Variants in FABP6 observed in about 807,000 individuals in gnomAD.
FABP6 encodes gastrotropin.
In FABP6, 13 loss-of-function variants were observed where a neutral mutation model predicts 14.9. The observed-to-expected ratio is 0.87, with a 90% CI of 0.57 to 1.39. The LOEUF (loss-of-function observed/expected upper bound fraction) is 1.39, where lower values mean the gene tolerates loss of function less well. Ranked by LOEUF, FABP6 falls within the 40% of genes most tolerant of loss-of-function variation. FABP6 has a pLI of 0.00. For missense variants in FABP6, 161 were observed against 167.2 expected (o/e 0.96, Z 0.20); for synonymous variants, 75 against 63.6 (o/e 1.18, Z -0.85).
At chr5:160,188,177 G>A (rs1759325820) in intron 1 of FABP6, among the ~76,000 whole-genome samples, 1 of 152,078 alleles carries the variant, frequency 6.6e-6, no homozygotes, top group Admixed American at 6.5e-5. Flanking sequence ...CAGAGGGGCG[G>A]GAAGCCCTGG....
intron 2 of FABP6, among the ~76,000 whole-genome samples, chr5:160,202,938 G>A (rs1252532267): frequency 2.0e-5 from 3 of 151,000 alleles, no homozygotes; most frequent in African/African-American, 7.3e-5. Context: ...TTTCACTCTT[G>A]TTGCCCAGAC....
At chr5:160,236,817 C>CA (rs375689902) in intron 3 of FABP6, among the ~76,000 whole-genome samples, 20,584 of 133,104 alleles carry the variant, frequency 0.15, 1,998 homozygotes, top group East Asian at 0.31. Context: ...ACTAAAAATA[C>CA]AAAAAAAAAA....
At chr5:160,222,593 CAA>C (rs759579680) in intron 3 of FABP6, among the ~76,000 whole-genome samples, 34 of 152,184 alleles carry the variant, frequency 2.2e-4, no homozygotes, top group Non-Finnish European at 2.2e-4. Context: ...CTCAGCCTCC[CAA>C]AGTGTTGGGA....
At chr5:160,204,415 G>A (rs1223269084) in intron 2 of FABP6, among the ~76,000 whole-genome samples, 1 of 152,152 alleles carries the variant, frequency 6.6e-6, no homozygotes, top group African/African-American at 2.4e-5. Flanking sequence ...CACACAATGA[G>A]TGATGCATGA....
intron 3 of FABP6, among the ~76,000 whole-genome samples, chr5:160,218,612 C>T (rs1185132234): frequency 1.3e-5 from 2 of 152,058 alleles, no homozygotes; most frequent in Non-Finnish European, 2.9e-5. Flanking sequence ...AGGCACCCGC[C>T]ACCATGCCTG....
intron 1 of FABP6, among the ~76,000 whole-genome samples, chr5:160,191,697 C>T (rs929967600): frequency 2.6e-5 from 4 of 151,014 alleles, no homozygotes; most frequent in African/African-American, 7.3e-5. Context: ...CGCGGTGGCT[C>T]ACGCCTGTAA....
chr5:160,223,920 T>A (rs1760188532), intron 3 of FABP6, among the ~76,000 whole-genome samples: 1 of 127,914 alleles, frequency 7.8e-6, no homozygotes, highest in Non-Finnish European at 1.6e-5. Context: ...GGCAACAAAG[T>A]GAGATCCCAT....
chr5:160,234,705 G>C, intron 2 of FABP6, 115 bp from the exon 3 acceptor site: 1 of 646,204 alleles, frequency 1.5e-6, no homozygotes, highest in East Asian at 3.4e-5. Context: ...GGGATTATAG[G>C]CATAAGCCAC....
At chr5:160,217,991 T>G (rs1422931669) in intron 3 of FABP6, among the ~76,000 whole-genome samples, 2 of 152,150 alleles carry the variant, frequency 1.3e-5, no homozygotes, top group African/African-American at 4.8e-5. Context: ...CAGGAGGTAG[T>G]GCAGTGGCAC....
At chr5:160,203,733 C>T (rs1759697962) in intron 2 of FABP6, among the ~76,000 whole-genome samples, 4 of 147,708 alleles carry the variant, frequency 2.7e-5, no homozygotes, top group Admixed American at 2.0e-4. Flanking sequence ...TGGAGTTTTG[C>T]TCTTGTTGCT....
intron 3 of FABP6, 152 bp downstream of exon 3, chr5:160,235,061 T>C: frequency 1.8e-6 from 1 of 540,906 alleles, no homozygotes; most frequent in Non-Finnish European, 3.2e-6. Flanking sequence ...ATGATGTCAT[T>C]TGGTCTTCAA....
chr5:160,214,239 T>C (rs775658612), intron 3 of FABP6, among the ~76,000 whole-genome samples: 46 of 151,754 alleles, frequency 3.0e-4, no homozygotes, highest in Non-Finnish European at 5.4e-4. Flanking sequence ...TCATAACTCA[T>C]AGCAGCCTTG....
At chr5:160,199,795 GTT>G (rs533484154) in intron 2 of FABP6, among the ~76,000 whole-genome samples, 230 of 152,304 alleles carry the variant, frequency 1.5e-3, no homozygotes, top group African/African-American at 5.2e-3. Flanking sequence ...TCACTAGGGA[GTT>G]CACAGCCTAA....
At chr5:160,192,722 A>T (rs1759422073) in intron 1 of FABP6, among the ~76,000 whole-genome samples, 1 of 152,260 alleles carries the variant, frequency 6.6e-6, no homozygotes, top group Admixed American at 6.5e-5. Flanking sequence ...CTTGTACAGT[A>T]AGGCCAGGCA....
At chr5:160,215,027 T>C (rs1759982424) in intron 3 of FABP6, among the ~76,000 whole-genome samples, 3 of 152,202 alleles carry the variant, frequency 2.0e-5, no homozygotes, top group Admixed American at 6.5e-5. Flanking sequence ...TCAGCTGTAT[T>C]CCAGTTGCCT....
rs746554280 is a variant in FABP6, at chr5:160,232,112, G to A, written c.82G>A (p.Val28Ile). Residue 28 changes from valine to isoleucine, a missense_variant, in exon 2 of 4, where the codon GTA (valine) becomes ATA (isoleucine). Coordinates refer to ENST00000402432, the MANE Select transcript of FABP6 (RefSeq NM_001445.3). ...CCCGGGTCCAGGGATCTCCAGCGATGTAATCGAAAAGGCCCGCAACTTCAA... is the reference window on the plus strand; with the variant it reads ...CCCGGGTCCAGGGATCTCCAGCGATATAATCGAAAAGGCCCGCAACTTCAA... ...FMKLLGISSD[V>I]IEKARNFKIV... 6.8e-6 allele frequency: 11 copies of A among 1,613,884 alleles called. No individual in the cohort carries two copies. Among genetic ancestry groups the A allele is most frequent in the Admixed American group, 5.0e-5 (3 of 59,980 alleles).
In FABP6 at chr5:160,213,694, G is replaced by T; in HGVS notation, c.52-42G>T. The T allele has an allele frequency of 1.9e-6, 3 of 1,572,000 alleles. No individual in the cohort carries two copies. The South Asian group carries it at 3.3e-5, about 17-fold the overall frequency. On this transcript the variant is annotated intron_variant, in intron 2 of 6. Transcript: ENST00000393980. ...CTGATTGGACCAGAGATGCCCACTT[G>T]ACTCAGGATAGGCCAATCAGATTAT...
chr5:160,232,017 G>T (rs563030549), intron 1 of FABP6, 81 bp from the exon 2 acceptor site: 102 of 1,506,374 alleles, frequency 6.8e-5, no homozygotes, highest in Admixed American at 4.0e-4. Context: ...GGGCGGTGGG[G>T]GTGGGCAGGA....
intron 2 of FABP6, among the ~76,000 whole-genome samples, chr5:160,208,966 C>G (rs777274188): frequency 6.6e-6 from 1 of 151,626 alleles, no homozygotes; most frequent in African/African-American, 2.4e-5. Context: ...TTGGTAGGGA[C>G]GGGGTTTCAC....
Sources: gnomAD v4.1 joint callset for allele counts (sites outside exome capture counted in the v4.1 genomes callset) on GRCh38, gnomAD v4.1.1 for gene constraint, MANE v1.5 for transcripts, NCBI Gene and HGNC (gene_info 2026-07-23, HGNC 2026-07-21) for gene names.